Variants in DENND1A observed in about 807,000 individuals in gnomAD.
The protein encoded by DENND1A is DENN domain containing 1A.
In DENND1A, 51 loss-of-function variants were observed where a neutral mutation model predicts 113.7. That is an observed-to-expected ratio of 0.45 (90% CI 0.36 to 0.57). DENND1A has a LOEUF of 0.57. Ranked by LOEUF, DENND1A falls within the 20% of genes least tolerant of loss-of-function variation. The pLI is 0.00. For missense variants in DENND1A, 1,258 were observed against 1,395.9 expected (o/e 0.90, Z 1.57); for synonymous variants, 565 against 570.8 (o/e 0.99, Z 0.14).
chr9:123,819,314 T>A (rs372366151), intron 2 of DENND1A, among the ~76,000 whole-genome samples: 8 of 152,322 alleles, frequency 5.3e-5, no homozygotes, highest in African/African-American at 1.4e-4. Context: ...AATGTTTGGC[T>A]GAATCCCTCA....
At chr9:123,722,939 C>T (rs887053600) in intron 5 of DENND1A, among the ~76,000 whole-genome samples, 1 of 152,196 alleles carries the variant, frequency 6.6e-6, no homozygotes, top group Non-Finnish European at 1.5e-5. Context: ...CCTCCAGACC[C>T]CAGAATGGCA....
intron 2 of DENND1A, among the ~76,000 whole-genome samples, chr9:123,796,149 C>G (rs868611276): frequency 2.8e-4 from 42 of 152,288 alleles, no homozygotes; most frequent in Middle Eastern, 6.8e-3. Flanking sequence ...AGAGTCCATG[C>G]ATCTCTTAAC....
rs1841404939 is a variant in DENND1A at position 123,838,696 on chromosome 9, C to A, written c.88+40255G>T. The stretch of plus-strand genomic sequence containing the variant: ...AAAGAAAACCTAACAAAGAAAATTT[C>A]TTTTTCCTTCTACATTCAGTTTCCT... On this transcript the variant is annotated intron_variant, in intron 2 of 23. Transcript: ENST00000394215. Among the ~76,000 whole-genome samples, 2 of 152,282 alleles carry A rather than the reference C, an allele frequency of 1.3e-5. 1 individual carries two copies. The highest frequency in any genetic ancestry group is 4.1e-4 in the South Asian group (2 of 4,830).
At chr9:123,667,372 C>T (rs1420681729) in intron 7 of DENND1A, among the ~76,000 whole-genome samples, 4 of 152,020 alleles carry the variant, frequency 2.6e-5, no homozygotes, top group African/African-American at 9.7e-5. Flanking sequence ...CTCAGCATTT[C>T]GGGAGGCCAA....
At chr9:123,452,468 A>T in intron 16 of DENND1A, 121 bp from the exon 17 acceptor site, 1 of 786,156 alleles carries the variant, frequency 1.3e-6, no homozygotes, top group South Asian at 1.6e-5. Context: ...GCACATCGAG[A>T]AATAGGCCTG....
At chr9:123,858,475 A>G (rs1406802443) in intron 2 of DENND1A, among the ~76,000 whole-genome samples, 6 of 152,212 alleles carry the variant, frequency 3.9e-5, no homozygotes, top group African/African-American at 1.4e-4. Flanking sequence ...TCAGGCTTCT[A>G]GCATTAGTAA....
intron 12 of DENND1A, among the ~76,000 whole-genome samples, chr9:123,576,918 C>G (rs2058668736): frequency 1.3e-5 from 2 of 151,968 alleles, no homozygotes; most frequent in Admixed American, 6.6e-5. Context: ...TTAAGCTTTT[C>G]TTGGTTTTGA....
At chr9:123,463,361 G>A (rs538935605) in intron 13 of DENND1A, among the ~76,000 whole-genome samples, 1 of 152,254 alleles carries the variant, frequency 6.6e-6, no homozygotes, top group East Asian at 1.9e-4. Flanking sequence ...GGTAAAATTG[G>A]TGATTTCAAA....
intron 2 of DENND1A, among the ~76,000 whole-genome samples, chr9:123,812,316 AT>A (rs1488067602): frequency 6.6e-6 from 1 of 152,104 alleles, no homozygotes; most frequent in Non-Finnish European, 1.5e-5. Flanking sequence ...ATTCCTTTTA[AT>A]TGCTATAAAA....
chr9:123,649,443 A>T (rs1228910685), intron 9 of DENND1A, among the ~76,000 whole-genome samples: 1 of 152,170 alleles, frequency 6.6e-6, no homozygotes, highest in Non-Finnish European at 1.5e-5. Flanking sequence ...CAAGTGTCGC[A>T]GGAAAAGTTG....
intron 13 of DENND1A, among the ~76,000 whole-genome samples, chr9:123,553,309 A>G (rs2057222046): frequency 6.6e-6 from 1 of 152,104 alleles, no homozygotes; most frequent in Admixed American, 6.5e-5. Flanking sequence ...CAGCACTAGG[A>G]AAAGATGGTG....
chr9:123,467,816 GCT>G (rs937810767), intron 13 of DENND1A, among the ~76,000 whole-genome samples: 3 of 152,112 alleles, frequency 2.0e-5, no homozygotes, highest in Non-Finnish European at 4.4e-5. Context: ...GACACTCAAG[GCT>G]CTAAGTGACC....
chr9:123,562,563 T>C (rs1475674451), intron 12 of DENND1A, among the ~76,000 whole-genome samples: 1 of 152,080 alleles, frequency 6.6e-6, no homozygotes, highest in Non-Finnish European at 1.5e-5. Context: ...TATATATAAA[T>C]ATATATGCAG....
rs1832612070 is a variant in DENND1A at position 123,789,049 on chromosome 9, C to T, written c.132+3538G>A. On this transcript the variant is annotated intron_variant, in intron 3 of 23. Transcript: ENST00000394215. Reference sequence around the variant, plus strand: ...AAATAATATGAACTCTGAAAAACCCCTGCTTTTGCCTTGTTTTTTTTTTTT... The same window carrying T: ...AAATAATATGAACTCTGAAAAACCCTTGCTTTTGCCTTGTTTTTTTTTTTT... Among the ~76,000 whole-genome samples the T allele has an allele frequency of 2.7e-5, 4 of 150,652 alleles. 1 individual carries two copies. The highest frequency in any genetic ancestry group is 2.6e-4 in the Admixed American group (4 of 15,126).
intron 18 of DENND1A, among the ~76,000 whole-genome samples, chr9:123,450,287 C>A (rs559400807): frequency 3.9e-5 from 6 of 152,200 alleles, no homozygotes; most frequent in African/African-American, 9.7e-5. Flanking sequence ...CATGCTGGAC[C>A]ATGGCAATCA....
chr9:123,408,166 C>T (rs1211465474), intron 20 of DENND1A, among the ~76,000 whole-genome samples: 1 of 152,166 alleles, frequency 6.6e-6, no homozygotes, highest in Non-Finnish European at 1.5e-5. Flanking sequence ...GCTACGTGAC[C>T]CAGCAAAGCC....
intron 13 of DENND1A, among the ~76,000 whole-genome samples, chr9:123,505,308 T>C (rs2052829143): frequency 6.6e-6 from 1 of 152,226 alleles, no homozygotes; most frequent in Non-Finnish European, 1.5e-5. Flanking sequence ...GTTGCTATAG[T>C]GGAGATGTAA....
chr9:123,457,939 C>G (rs2048260969), intron 13 of DENND1A, 42 bp from the exon 14 acceptor site: 1 of 1,453,700 alleles, frequency 6.9e-7, no homozygotes, highest in South Asian at 1.2e-5. Flanking sequence ...TGGCACGGAG[C>G]AAGAGCCATC....
At chr9:123,410,964 A>G (rs987390546) in intron 20 of DENND1A, among the ~76,000 whole-genome samples, 5 of 152,136 alleles carry the variant, frequency 3.3e-5, no homozygotes, top group Non-Finnish European at 5.9e-5. Context: ...AAACGACTCC[A>G]CTGATGCTTA....
Sources: gnomAD v4.1 joint callset for allele counts (sites outside exome capture counted in the v4.1 genomes callset) on GRCh38, gnomAD v4.1.1 for gene constraint, MANE v1.5 for transcripts, NCBI Gene and HGNC (gene_info 2026-07-23, HGNC 2026-07-21) for gene names.